Variants in MOSMO observed in about 807,000 individuals in gnomAD.
The protein encoded by MOSMO is modulator of smoothened.
In MOSMO, 5 loss-of-function variants were observed where a neutral mutation model predicts 18.4. The ratio of observed to expected loss-of-function variants is 0.27; its 90% CI spans 0.14 to 0.57. The LOEUF (loss-of-function observed/expected upper bound fraction) is 0.57. Among genes scored for constraint, MOSMO ranks in the 20% least tolerant of loss-of-function variants. The pLI is 0.92. For missense variants in MOSMO, 138 were observed against 211.8 expected (o/e 0.65, Z 2.16); for synonymous variants, 82 against 82.3 (o/e 1.00, Z 0.02).
chr16:22,078,236 A>G (rs975027697), intron 2 of MOSMO, among the ~76,000 whole-genome samples: 3 of 152,132 alleles, frequency 2.0e-5, no homozygotes, highest in African/African-American at 7.2e-5. Flanking sequence ...GTGTCTTTAC[A>G]AACTTATTTA....
At chr16:22,092,623 A>G in the MOSMO span, 1 of 1,550,470 alleles carries the variant, frequency 6.4e-7, no homozygotes, top group Non-Finnish European at 8.7e-7. Flanking sequence ...CCTTCTCCCA[A>G]AGATGGAGAA....
intron 1 of MOSMO, among the ~76,000 whole-genome samples, chr16:22,036,801 C>T (rs2141999712): frequency 6.6e-6 from 1 of 152,288 alleles, no homozygotes; most frequent in Non-Finnish European, 1.5e-5. Flanking sequence ...GGGCCTTTTA[C>T]ACTGTGTTAA....
chr16:22,067,724 A>G (rs1030445133), intron 1 of MOSMO, among the ~76,000 whole-genome samples: 4 of 151,986 alleles, frequency 2.6e-5, no homozygotes, highest in African/African-American at 9.7e-5. Context: ...TAAAAATACA[A>G]AAAAATTAGC....
At chr16:22,092,540 T>C in the MOSMO span, 61 of 1,478,312 alleles carry the variant, frequency 4.1e-5, no homozygotes, top group Non-Finnish European at 5.5e-5. Flanking sequence ...GCTTCGCTGC[T>C]GAGTTGCTTG....
chr16:22,080,517 G>A (rs919382053), intron 2 of MOSMO, among the ~76,000 whole-genome samples, 179 bp from the exon 3 acceptor site: 2 of 152,154 alleles, frequency 1.3e-5, no homozygotes, highest in Non-Finnish European at 2.9e-5. Flanking sequence ...AGCTTTTACT[G>A]TATTGTTAGG....
chr16:22,039,538 A>G (rs913309821), intron 1 of MOSMO, among the ~76,000 whole-genome samples: 4 of 152,298 alleles, frequency 2.6e-5, no homozygotes, highest in Admixed American at 2.6e-4. Flanking sequence ...GGGTATCTTT[A>G]AAAGTTCATG....
At chr16:22,012,288 CTG>C (rs1215486280) in intron 1 of MOSMO, among the ~76,000 whole-genome samples, 16 of 152,264 alleles carry the variant, frequency 1.1e-4, no homozygotes, top group Non-Finnish European at 1.5e-5. Flanking sequence ...CTTCGTAGCT[CTG>C]TAGCTTTAGG....
At chr16:22,068,216 A>G (rs978552000) in intron 1 of MOSMO, among the ~76,000 whole-genome samples, 9 of 152,230 alleles carry the variant, frequency 5.9e-5, no homozygotes, top group Admixed American at 3.9e-4. Context: ...CTTATAGTGT[A>G]TACATATAAT....
chr16:22,038,548 G>A (rs1900151628), intron 1 of MOSMO, among the ~76,000 whole-genome samples: 1 of 152,156 alleles, frequency 6.6e-6, no homozygotes, highest in Non-Finnish European at 1.5e-5. Context: ...TGAAGATGAA[G>A]TTAGGTTACA....
chr16:22,020,474 T>C (rs1171486817), intron 1 of MOSMO, among the ~76,000 whole-genome samples: 3 of 151,764 alleles, frequency 2.0e-5, no homozygotes, highest in African/African-American at 7.3e-5. Context: ...TTTGTATTTT[T>C]AGTAGAGACA....
chr16:22,031,310 A>ACT (rs1277186398), intron 1 of MOSMO, among the ~76,000 whole-genome samples: 2 of 152,334 alleles, frequency 1.3e-5, no homozygotes, highest in Non-Finnish European at 2.9e-5. Context: ...GGAAACAGGG[A>ACT]CTAGGTAATG....
At chr16:22,027,617 T>G (rs1359043790) in intron 1 of MOSMO, among the ~76,000 whole-genome samples, 1 of 152,216 alleles carries the variant, frequency 6.6e-6, no homozygotes, top group Non-Finnish European at 1.5e-5. Context: ...CCTCCAGATT[T>G]ATGAGTGATA....
intron 1 of MOSMO, among the ~76,000 whole-genome samples, chr16:22,056,742 A>C (rs886125059): frequency 6.6e-6 from 1 of 152,002 alleles, no homozygotes; most frequent in Non-Finnish European, 1.5e-5. Context: ...TGATTTCTCT[A>C]TGTTTACATT....
At chr16:22,027,874 TG>T (rs1899908285) in intron 1 of MOSMO, among the ~76,000 whole-genome samples, 1 of 152,150 alleles carries the variant, frequency 6.6e-6, no homozygotes, top group African/African-American at 2.4e-5. Context: ...TGTATTCCTT[TG>T]GGGACAGTTG....
chr16:22,021,112 A>G (rs1899753253), intron 1 of MOSMO, among the ~76,000 whole-genome samples: 1 of 152,232 alleles, frequency 6.6e-6, no homozygotes, highest in African/African-American at 2.4e-5. Context: ...AATCTCTCCC[A>G]TGAGGAAGCA....
At chr16:22,031,782 C>A (rs545874919) in intron 1 of MOSMO, among the ~76,000 whole-genome samples, 1 of 152,262 alleles carries the variant, frequency 6.6e-6, no homozygotes, top group East Asian at 1.9e-4. Flanking sequence ...GTCCTTTCTA[C>A]TTTTTGTGAC....
intron 1 of MOSMO, among the ~76,000 whole-genome samples, chr16:22,042,931 A>C (rs1173955932): frequency 2.0e-5 from 3 of 152,246 alleles, no homozygotes; most frequent in Non-Finnish European, 2.9e-5. Context: ...TAGAGGAAAG[A>C]AGCTGGAGAG....
chr16:22,060,919 A>G (rs1206762322), intron 1 of MOSMO, among the ~76,000 whole-genome samples: 2 of 152,102 alleles, frequency 1.3e-5, no homozygotes, highest in Admixed American at 6.5e-5. Flanking sequence ...TTTAGCAAAC[A>G]GTTGGGTAGT....
At position 22,083,526 on chromosome 16, in the gene MOSMO, C is replaced by T. The variant is rs901313650; in HGVS notation, c.*2646C>T. The stretch of plus-strand genomic sequence containing the variant: ...ATAAGTGAAAAGATAGACAACTGTC[C>T]GCAGTTGCTTTTAAAAAAGGTCACT... On this transcript the variant is annotated 3_prime_UTR_variant, in exon 3 of 3. Transcript: ENST00000542527. The T allele has an allele frequency of 4.2e-5, 14 of 332,442 alleles. No homozygotes were observed. The highest frequency in any genetic ancestry group is 1.2e-4 in the African/African-American group (5 of 43,372). 20.6% of individuals were successfully genotyped at this position (332,442 alleles called of 1,614,324 possible). A position where few individuals can be genotyped will look rare whatever the true frequency, so the allele number is the denominator to read the frequency against.
Sources: allele counts gnomAD v4.1 joint callset (sites outside exome capture counted in the v4.1 genomes callset), GRCh38; gene constraint gnomAD v4.1.1; transcripts MANE v1.5; gene names NCBI Gene and HGNC (gene_info 2026-07-23, HGNC 2026-07-21).